PFKP: variants seen among roughly 807,000 people sequenced by gnomAD.
PFKP encodes the protein ATP-dependent 6-phosphofructokinase, platelet type.
PFKP carries 101 observed loss-of-function variants against 94.3 expected under a neutral mutation model. That is an observed-to-expected ratio of 1.07 (90% CI 0.91 to 1.26). The LOEUF (loss-of-function observed/expected upper bound fraction) is 1.26. Among genes scored for constraint, PFKP ranks in the 50% most tolerant of loss-of-function variants. The pLI is 0.00. For synonymous variants in PFKP, 573 were observed against 432.6 expected, an observed-to-expected ratio of 1.32 and a Z score of -4.03; for missense variants, 1,145 against 1,103.3, an observed-to-expected ratio of 1.04 and a Z score of -0.53.
At chr10:3,130,877 A>T (rs55843967) in intron 17 of PFKP, among the ~76,000 whole-genome samples, 36,401 of 151,910 alleles carry the variant, frequency 0.24, 4,391 homozygotes, top group East Asian at 0.3. Context: ...TTAAAAAGTT[A>T]GGATGTTACT....
chr10:3,109,103 G>C (rs1835909184), intron 9 of PFKP, among the ~76,000 whole-genome samples: 1 of 152,156 alleles, frequency 6.6e-6, no homozygotes, highest in African/African-American at 2.4e-5. Context: ...AACTGACTCA[G>C]GGCAGCAGGA....
chr10:3,101,648 C>A, intron 4 of PFKP, 94 bp downstream of exon 4: 2 of 847,128 alleles, frequency 2.4e-6, no homozygotes, highest in African/African-American at 1.7e-5. Flanking sequence ...GGCAGAAGTA[C>A]CTCTTCTCAC....
At chr10:3,111,297 C>T (rs1836210975) in intron 10 of PFKP, among the ~76,000 whole-genome samples, 1 of 151,478 alleles carries the variant, frequency 6.6e-6, no homozygotes. Context: ...TTTGTGTGTG[C>T]AGGTATGCTT....
At chr10:3,122,313 G>A (rs376822098) in intron 16 of PFKP, among the ~76,000 whole-genome samples, 17 of 152,292 alleles carry the variant, frequency 1.1e-4, no homozygotes, top group South Asian at 8.3e-4. Context: ...GAGTGGCGCC[G>A]TCTGACCGAG....
intron 9 of PFKP, 69 bp from the exon 10 acceptor site, chr10:3,109,286 A>T: frequency 6.3e-7 from 1 of 1,593,106 alleles, no homozygotes; most frequent in Non-Finnish European, 8.5e-7. Flanking sequence ...ACGTCATGGA[A>T]AGATAGGAGG....
rs1317626750 is a variant in PFKP at position 3,103,942 on chromosome 10, G to A, written c.618G>A (p.Gln206=). 6.2e-7 allele frequency: 1 copy of A among 1,613,310 alleles called. No individual in the cohort carries two copies. Among genetic ancestry groups the A allele is most frequent in the South Asian group, 1.1e-5 (1 of 91,076 alleles). The change falls in exon 5 of 22, where the codon CAG becomes CAA. Residue 206 remains glutamine (Q), a splice_region_variant and synonymous_variant. Coordinates refer to ENST00000381125, the MANE Select transcript of PFKP (RefSeq NM_002627.5). Reference sequence around the variant, plus strand: ...TCGACGCCATCATGACCACGGCCCAGAGGTAAAGCGCTCAGAGGAACCGGC... The same window carrying A: ...TCGACGCCATCATGACCACGGCCCAAAGGTAAAGCGCTCAGAGGAACCGGC... The part of the protein sequence containing the change: ...EVVDAIMTTA[Q]SHQRTFVLEV...
At chr10:3,103,741 G>T in intron 4 of PFKP, 38 bp from the exon 5 acceptor site, 1 of 1,610,760 alleles carries the variant, frequency 6.2e-7, no homozygotes. Context: ...ACGCGCCATG[G>T]TTACGGCGAT....
Position 3,099,368 on chromosome 10 carries a change from C to A in PFKP, c.264+16C>A. ...CCTGCAAGTGGTAGGTACTGGGCTGCGTCCACAGGGTTCTCTGAGTTAGAG... is the reference window on the plus strand; with the variant it reads ...CCTGCAAGTGGTAGGTACTGGGCTGAGTCCACAGGGTTCTCTGAGTTAGAG... On this transcript the variant is annotated intron_variant, in intron 3 of 21. Transcript: ENST00000381125. The A allele has an allele frequency of 1.2e-6, 2 of 1,600,284 alleles. No individual in the cohort carries two copies. The highest frequency in any genetic ancestry group is 1.7e-6 in the Non-Finnish European group (2 of 1,167,872).
At chr10:3,134,454 G>C in intron 19 of PFKP, 29 bp from the exon 20 acceptor site, 1 of 1,237,076 alleles carries the variant, frequency 8.1e-7, no homozygotes, top group Non-Finnish European at 1.2e-6. Flanking sequence ...TGTATAACTG[G>C]TATTTCATAT....
At position 3,069,492 on chromosome 10, in the gene PFKP, C is replaced by A. The variant is rs987697537; in HGVS notation, c.112+1785C>A. ...GCACCTTGAGTGACCTTACCTGGGC[C>A]GCGAAAGACAAGAAACCTTTGGCAC... On this transcript the variant is annotated intron_variant, in intron 1 of 21. Coordinates refer to ENST00000381125, the MANE Select transcript of PFKP (RefSeq NM_002627.5). 6 of 1,048,400 alleles carry A rather than the reference C, an allele frequency of 5.7e-6. No homozygotes were observed. In the South Asian group the frequency reaches 8.0e-5, roughly 14 times the overall value. The allele number at this position is 1,048,400 out of a possible 1,614,324, so 64.9% of individuals were successfully genotyped here. A position where few individuals can be genotyped will look rare whatever the true frequency, so the allele number is the denominator to read the frequency against.
chr10:3,096,228 C>T (rs999912861), intron 2 of PFKP, among the ~76,000 whole-genome samples: 2 of 152,158 alleles, frequency 1.3e-5, no homozygotes, highest in Non-Finnish European at 2.9e-5. Flanking sequence ...CGGGATAGCG[C>T]GTGCTCCAGG....
At chr10:3,110,882 GTA>G (rs1386466607) in intron 10 of PFKP, among the ~76,000 whole-genome samples, 1 of 151,086 alleles carries the variant, frequency 6.6e-6, no homozygotes, top group East Asian at 1.9e-4. Flanking sequence ...ATGTCTGCAT[GTA>G]TGTGTGTGCA....
intron 4 of PFKP, 139 bp from the exon 5 acceptor site, chr10:3,103,640 T>A: frequency 1.2e-6 from 1 of 839,958 alleles, no homozygotes; most frequent in South Asian, 1.7e-5. Context: ...AAAATGATAA[T>A]AAAGAAATGA....
intron 17 of PFKP, among the ~76,000 whole-genome samples, chr10:3,131,620 C>A (rs1838599578): frequency 6.6e-6 from 1 of 152,102 alleles, no homozygotes; most frequent in East Asian, 1.9e-4. Flanking sequence ...CCACGCCTGG[C>A]TAATTTTTTG....
chr10:3,100,075 G>GTA (rs1834850907), intron 3 of PFKP, among the ~76,000 whole-genome samples: 1 of 150,032 alleles, frequency 6.7e-6, no homozygotes. Flanking sequence ...GTGTGTGTGT[G>GTA]TGTGTGTGTG....
At chr10:3,133,917 A>G (rs991214086) in intron 19 of PFKP, among the ~76,000 whole-genome samples, 2 of 152,220 alleles carry the variant, frequency 1.3e-5, no homozygotes, top group African/African-American at 4.8e-5. Context: ...CTTCCCTAAG[A>G]TTTAAAATGG....
chr10:3,113,398 CGTG>C lies in PFKP; in HGVS notation c.1253_1255del (p.Val418del). ...CCAATTGCAACGTAGCTGTCATCAA[CGTG>C]GGGGCACCCGCGGCTGGGATGAACG... On this transcript the variant is annotated inframe_deletion, in exon 13 of 22. Transcript: ENST00000381125. 1 of 1,596,460 alleles carries C rather than the reference CGTG, an allele frequency of 6.3e-7. No homozygotes were observed. Among genetic ancestry groups the C allele is most frequent in the Non-Finnish European group, 8.6e-7 (1 of 1,168,986 alleles).
At chr10:3,111,943 C>A (rs528098539) in intron 10 of PFKP, among the ~76,000 whole-genome samples, 2 of 152,214 alleles carry the variant, frequency 1.3e-5, no homozygotes, top group African/African-American at 2.4e-5. Flanking sequence ...GTTGTGTCCA[C>A]AAACAGCAGG....
Position 3,074,368 on chromosome 10 carries a change from G to T in PFKP, c.112+6661G>T, listed in dbSNP as rs1218586072. 5.9e-5 allele frequency among the ~76,000 whole-genome samples: 9 copies of T among 152,314 alleles called. No individual in the cohort carries two copies. The East Asian group carries it at 1.7e-3, about 29-fold the overall frequency. On this transcript the variant is annotated intron_variant, in intron 1 of 21. Transcript: ENST00000381125. Reference sequence around the variant, plus strand: ...CCCTTTGACCTGACCTGACAGTGAGGGAGGAGTCCGTAGAGGAGAGTGGCC... The same window carrying T: ...CCCTTTGACCTGACCTGACAGTGAGTGAGGAGTCCGTAGAGGAGAGTGGCC...
Sources: gnomAD v4.1 joint callset for allele counts (sites outside exome capture counted in the v4.1 genomes callset) on GRCh38, gnomAD v4.1.1 for gene constraint, MANE v1.5 for transcripts, NCBI Gene and HGNC (gene_info 2026-07-23, HGNC 2026-07-21) for gene names.